Variants in PUDP observed in about 807,000 individuals in gnomAD.
PUDP encodes pseudouridine 5'-phosphatase.
A neutral mutation model predicts 9.4 loss-of-function variants in PUDP; 8 were observed. That is an observed-to-expected ratio of 0.85 (90% CI 0.50 to 1.53). The LOEUF (loss-of-function observed/expected upper bound fraction) is 1.53, where lower values mean the gene tolerates loss of function less well. Among genes scored for constraint, PUDP ranks in the 40% most tolerant of loss-of-function variants. The pLI is 0.00. For missense variants in PUDP, 188 were observed against 189.7 expected (o/e 0.99, Z 0.05); for synonymous variants, 99 against 80.7 (o/e 1.23, Z -1.22).
chrX:6,915,302 T>C (rs776393564), intron 3 of PUDP, among the ~76,000 whole-genome samples: 13 of 112,196 alleles, frequency 1.2e-4, no homozygotes, highest in Middle Eastern at 4.6e-3. Flanking sequence ...AGTTTTCCCA[T>C]ATTTTCAAAA....
intron 3 of PUDP, among the ~76,000 whole-genome samples, chrX:6,948,610 G>C (rs758041854): frequency 9.4e-4 from 105 of 111,945 alleles, no homozygotes; most frequent in African/African-American, 3.2e-3. Flanking sequence ...CACGCTATTG[G>C]TCCCAGACTG....
rs192258660 is a variant in PUDP at position 7,018,537 on chromosome X, C to T, written c.205-40194G>A. The stretch of plus-strand genomic sequence containing the variant: ...AACGGTTGCAAAAAGCTAAAGAAAA[C>T]GAAAATTCATTGTTTACAGATCAGG... On this transcript the variant is annotated intron_variant and NMD_transcript_variant, in intron 1 of 3. Coordinates refer to the PUDP transcript ENST00000655425. 4.6e-4 allele frequency among the ~76,000 whole-genome samples: 52 copies of T among 111,905 alleles called. 2 individuals are homozygous for T. Among genetic ancestry groups the T allele is most frequent in the African/African-American group, 1.6e-3 (49 of 30,517 alleles).
At chrX:6,985,711 C>T (rs1481968095) in intron 1 of PUDP, among the ~76,000 whole-genome samples, 4 of 111,213 alleles carry the variant, frequency 3.6e-5, no homozygotes, top group African/African-American at 9.8e-5. Context: ...GCCTTCCACA[C>T]GGCCCATCTG....
intron 1 of PUDP, 152 bp downstream of exon 1, chrX:7,147,901 G>A (rs1932906949): frequency 3.0e-6 from 1 of 331,653 alleles, no homozygotes; most frequent in East Asian, 6.1e-5. Context: ...CCGACTTCGG[G>A]GCCAGCCGGG....
At chrX:6,818,007 C>T (rs901512125) in intron 3 of PUDP, among the ~76,000 whole-genome samples, 3 of 111,771 alleles carry the variant, frequency 2.7e-5, no homozygotes, top group Non-Finnish European at 3.8e-5. Flanking sequence ...AAGTGTGTGT[C>T]GCTATTTCCA....
chrX:6,819,083 C>A (rs764732109), intron 3 of PUDP, among the ~76,000 whole-genome samples: 2 of 110,728 alleles, frequency 1.8e-5, no homozygotes, highest in Non-Finnish European at 3.8e-5. Context: ...GTACGGAGAC[C>A]CCCAGAATTT....
intron 3 of PUDP, among the ~76,000 whole-genome samples, chrX:6,906,720 G>A (rs984357715): frequency 8.9e-6 from 1 of 111,735 alleles, no homozygotes; most frequent in African/African-American, 3.3e-5. Flanking sequence ...TCAGCTGGGG[G>A]GAAAAGTAAA....
chrX:6,962,070 A>C (rs1338744865), intron 3 of PUDP, among the ~76,000 whole-genome samples: 1 of 111,786 alleles, frequency 8.9e-6, no homozygotes, highest in Non-Finnish European at 1.9e-5. Context: ...AAGTAAAACA[A>C]TCATTTTAAT....
intron 1 of PUDP, among the ~76,000 whole-genome samples, chrX:7,111,079 G>A (rs1444674038): frequency 9.0e-6 from 1 of 110,982 alleles, no homozygotes; most frequent in Non-Finnish European, 1.9e-5. Context: ...TGCTGTTCTC[G>A]TGATAGTGAG....
chrX:7,012,480 C>T (rs1033366399), intron 1 of PUDP, among the ~76,000 whole-genome samples: 2 of 111,726 alleles, frequency 1.8e-5, no homozygotes, highest in African/African-American at 6.5e-5. Flanking sequence ...CACTGCCGCA[C>T]GCTCAGATGA....
chrX:6,873,391 T>C (rs1569114659), intron 3 of PUDP, among the ~76,000 whole-genome samples: 1 of 111,776 alleles, frequency 8.9e-6, no homozygotes, highest in African/African-American at 3.2e-5. Flanking sequence ...TCACATTGAG[T>C]AAACATTTGC....
At chrX:7,017,144 C>T (rs375631646) in intron 1 of PUDP, among the ~76,000 whole-genome samples, 1 of 112,270 alleles carries the variant, frequency 8.9e-6, no homozygotes, top group Non-Finnish European at 1.9e-5. Flanking sequence ...ATTGCACTTA[C>T]ACATTTTCAT....
rs183335867 is a variant in PUDP at position 7,124,713 on chromosome X, G to A, written c.62-18875C>T. 3.4e-3 allele frequency among the ~76,000 whole-genome samples: 380 copies of A among 111,261 alleles called. 2 individuals carry two copies. Among genetic ancestry groups the A allele is most frequent in the African/African-American group, 0.012 (358 of 30,638 alleles). ...TGTAATCCCAGCACTTTGGGAGGCC[G>A]AGGCGGGTGGATCACGAGGTCAGGA... On this transcript the variant is annotated intron_variant, in intron 1 of 3. Coordinates refer to ENST00000381077, the MANE Select transcript of PUDP (RefSeq NM_012080.5).
intron 3 of PUDP, among the ~76,000 whole-genome samples, chrX:6,743,589 T>C (rs1924964946): frequency 1.8e-5 from 2 of 112,341 alleles, no homozygotes; most frequent in South Asian, 7.4e-4. Flanking sequence ...TCAATGGACA[T>C]GGGGACATGA....
At chrX:6,975,257 G>A (rs1385538684) in intron 3 of PUDP, among the ~76,000 whole-genome samples, 1 of 109,916 alleles carries the variant, frequency 9.1e-6, no homozygotes, top group Non-Finnish European at 1.9e-5. Context: ...TTCCCTTGGT[G>A]GCGAGGAGTT....
chrX:6,758,899 C>T (rs762011057), intron 3 of PUDP, among the ~76,000 whole-genome samples: 4 of 111,848 alleles, frequency 3.6e-5, no homozygotes, highest in Non-Finnish European at 7.5e-5. Context: ...AAAATTGCTG[C>T]ACATGTAGGC....
chrX:7,083,483 A>G (rs1457339606), intron 2 of PUDP, among the ~76,000 whole-genome samples: 2 of 111,931 alleles, frequency 1.8e-5, no homozygotes, highest in African/African-American at 6.5e-5. Flanking sequence ...ATTAAAATAA[A>G]TCAGGAGAGG....
At chrX:6,765,549 T>C (rs1334981924) in intron 3 of PUDP, among the ~76,000 whole-genome samples, 10 of 112,305 alleles carry the variant, frequency 8.9e-5, no homozygotes, top group African/African-American at 2.9e-4. Context: ...TTAGAAACTT[T>C]AGTAAATATT....
exon 2 of PUDP, among the ~76,000 whole-genome samples, chrX:6,978,167 T>C (rs1928981567): frequency 8.9e-6 from 1 of 112,426 alleles, no homozygotes. Context: ...AACCTTACCA[T>C]AAACTCTGTT....
Sources: allele counts gnomAD v4.1 joint callset (sites outside exome capture counted in the v4.1 genomes callset), GRCh38; gene constraint gnomAD v4.1.1; transcripts MANE v1.5; gene names NCBI Gene and HGNC (gene_info 2026-07-23, HGNC 2026-07-21).